The following HTT variants were observed in gnomAD, a reference collection of about 807,000 sequenced individuals.
HTT encodes the protein huntington disease protein.
HTT carries 104 observed loss-of-function variants against 362.3 expected under a neutral mutation model. The ratio of observed to expected loss-of-function variants is 0.29; its 90% CI spans 0.24 to 0.34. HTT has a LOEUF of 0.34. HTT is among the 10% of genes least tolerant of loss of function. HTT has a pLI of 1.00. For synonymous variants in HTT, 1,577 were observed against 1,548.7 expected, an observed-to-expected ratio of 1.02 and a Z score of -0.43; for missense variants, 3,301 against 3,928.6, an observed-to-expected ratio of 0.84 and a Z score of 4.27.
At chr4:3,171,944 TAG>T (rs1718000828) in intron 29 of HTT, among the ~76,000 whole-genome samples, 1 of 152,226 alleles carries the variant, frequency 6.6e-6, no homozygotes, top group African/African-American at 2.4e-5. Flanking sequence ...TGCTGTATCA[TAG>T]TTGTGTTCAC....
At chr4:3,153,037 G>A (rs1056788659) in intron 26 of HTT, among the ~76,000 whole-genome samples, 1 of 152,068 alleles carries the variant, frequency 6.6e-6, no homozygotes, top group African/African-American at 2.4e-5. Flanking sequence ...TATGGTTTAA[G>A]GTGACTGTCT....
At chr4:3,188,645 C>G (rs1216992410) in intron 39 of HTT, 3 of 218,980 alleles carry the variant, frequency 1.4e-5, no homozygotes, top group African/African-American at 7.0e-5. Context: ...ATTGAAGCAG[C>G]TGGCTAAAAT....
At chr4:3,135,248 C>T (rs1224437145) in intron 19 of HTT, among the ~76,000 whole-genome samples, 2 of 151,544 alleles carry the variant, frequency 1.3e-5, no homozygotes, top group South Asian at 2.1e-4. Context: ...AATTAAAAAA[C>T]GTGAGCTGTG....
chr4:3,141,996 T>G (rs546822608), intron 22 of HTT, among the ~76,000 whole-genome samples: 1 of 152,338 alleles, frequency 6.6e-6, no homozygotes, highest in South Asian at 2.1e-4. Flanking sequence ...TTTCAGAAGA[T>G]GAATATTTAT....
chr4:3,233,059 C>A (rs1397257152), intron 60 of HTT, 104 bp from the exon 61 acceptor site: 5 of 928,840 alleles, frequency 5.4e-6, no homozygotes, highest in Non-Finnish European at 8.2e-6. Flanking sequence ...GTAGTCTCTT[C>A]TGCACACAAG....
intron 6 of HTT, among the ~76,000 whole-genome samples, chr4:3,113,687 A>C (rs766384951): frequency 2.0e-5 from 3 of 152,110 alleles, no homozygotes; most frequent in Non-Finnish European, 4.4e-5. Context: ...TTTGTCAGAG[A>C]TGATTCTACT....
Position 3,240,102 on chromosome 4 carries a change from A to T in HTT, c.*43A>T. 1 of 1,494,004 alleles carries T rather than the reference A, an allele frequency of 6.7e-7. No individual in the cohort carries two copies. Among genetic ancestry groups the T allele is most frequent in the Non-Finnish European group, 9.1e-7 (1 of 1,096,038 alleles). The allele number at this position is 1,494,004 out of a possible 1,614,324, so 92.5% of individuals were successfully genotyped here. On this transcript the variant is annotated 3_prime_UTR_variant, in exon 67 of 67. Transcript: ENST00000355072. Reference sequence around the variant, plus strand: ...ACTGTGAGGCGGCAGCTGGGGCCGGAGCCTTTGGAAGTCTGCGCCCTTGTG... The same window carrying T: ...ACTGTGAGGCGGCAGCTGGGGCCGGTGCCTTTGGAAGTCTGCGCCCTTGTG...
At chr4:3,194,332 G>A (rs1024766859) in intron 40 of HTT, among the ~76,000 whole-genome samples, 3 of 152,220 alleles carry the variant, frequency 2.0e-5, no homozygotes, top group Non-Finnish European at 4.4e-5. Context: ...ATTCCATCTA[G>A]GATAAGCAGA....
At chr4:3,082,135 A>G (rs1560538885) in intron 1 of HTT, among the ~76,000 whole-genome samples, 1 of 152,134 alleles carries the variant, frequency 6.6e-6, no homozygotes, top group Non-Finnish European at 1.5e-5. Context: ...TTACTTAACA[A>G]TGTGTCATAG....
At chr4:3,125,654 G>T (rs1462752488) in intron 11 of HTT, 25 bp downstream of exon 11, 2 of 1,532,016 alleles carry the variant, frequency 1.3e-6, no homozygotes, top group Non-Finnish European at 9.0e-7. Context: ...TTAGCCGCTG[G>T]TGTGGACCTT....
Position 3,200,122 on chromosome 4 carries a change from C to T in HTT, c.5576+183C>T, listed in dbSNP as rs552754290. 2.1e-4 allele frequency among the ~76,000 whole-genome samples: 32 copies of T among 152,296 alleles called. 1 individual carries two copies. The highest frequency in any genetic ancestry group is 7.2e-4 in the African/African-American group (30 of 41,580). ...ACAGCATATTATTGGGACAAACATG[C>T]GGTCCAGCTAAAGGCATTCAAAATA... On this transcript the variant is annotated intron_variant, in intron 41 of 66. Transcript: ENST00000355072.
rs545608809 is a variant in HTT, at chr4:3,170,609, A to G, written c.3865-1711A>G. 3.3e-5 allele frequency among the ~76,000 whole-genome samples: 5 copies of G among 152,272 alleles called. No individual in the cohort carries two copies. In the East Asian group the frequency reaches 9.6e-4, roughly 29 times the overall value. The stretch of plus-strand genomic sequence containing the variant: ...TCTTCTCTGGTGCTCTGTCTTATGA[A>G]CTGTGGCTGTCTTGGTCTCCTTAGA... On this transcript the variant is annotated intron_variant, in intron 29 of 66. Coordinates refer to ENST00000355072, the MANE Select transcript of HTT (RefSeq NM_001388492.1).
chr4:3,210,768 C>G (rs75681403), intron 47 of HTT, among the ~76,000 whole-genome samples: 2,323 of 152,184 alleles, frequency 0.015, 36 homozygotes, highest in Non-Finnish European at 0.024. Context: ...CCTGTAGAGG[C>G]CGGGAGTGAC....
chr4:3,182,828 G>C (rs1037967132), intron 37 of HTT, among the ~76,000 whole-genome samples: 10 of 152,116 alleles, frequency 6.6e-5, no homozygotes, highest in Admixed American at 6.5e-4. Context: ...TTATTTGGTG[G>C]TTAGATTTTT....
In HTT at chr4:3,127,513, G is replaced by A. The variant is rs118005095; in HGVS notation, c.1652G>A (p.Gly551Glu). The A allele has an allele frequency of 1.3e-3, 2,045 of 1,614,218 alleles. 37 individuals carry two copies. In the East Asian group the frequency reaches 0.036, roughly 29 times the overall value. ...GACCCTGCCATGGACCTGAATGATG[G>A]GACCCAGGCCTCGTCGCCCATCAGC... The part of the protein sequence containing the change: ...PSDPAMDLND[G>E]TQASSPISDS... The change falls in exon 12 of 67, where the codon GGG (glycine) becomes GAG (glutamate). Residue 551 changes from glycine to glutamate, a missense_variant. By Grantham distance (98) the Gly-to-Glu change is moderately conservative. Transcript: ENST00000355072.
chr4:3,208,728 A>C (rs76264613), intron 45 of HTT, 45 bp from the exon 46 acceptor site: 2 of 1,540,292 alleles, frequency 1.3e-6, no homozygotes, highest in Non-Finnish European at 1.7e-6. Context: ...CTAAAAAAAA[A>C]AAAAAACAAA....
At chr4:3,167,359 C>G (rs550864060) in intron 29 of HTT, among the ~76,000 whole-genome samples, 21 of 152,336 alleles carry the variant, frequency 1.4e-4, no homozygotes, top group Non-Finnish European at 2.2e-4. Flanking sequence ...GTGTCAGCCA[C>G]CACGCCCAGC....
At position 3,134,466 on chromosome 4, in the gene HTT, G is replaced by A. The variant is rs1479856387; in HGVS notation, c.2559G>A (p.Val853=). The change falls in exon 19 of 67, where the codon GTG becomes GTA. Residue 853 remains valine (V), a synonymous_variant. Coordinates refer to ENST00000355072, the MANE Select transcript of HTT (RefSeq NM_001388492.1). The stretch of plus-strand genomic sequence containing the variant: ...TAGGACTGCAGCTGATCATCGATGT[G>A]CTGACTCTGAGGAACAGTTCCTATT... ...SELGLQLIID[V]LTLRNSSYWL... 2.1e-5 allele frequency: 34 copies of A among 1,613,830 alleles called. 1 individual carries two copies. The highest frequency in any genetic ancestry group is 2.9e-5 in the Non-Finnish European group (34 of 1,179,832).
chr4:3,075,653 G>GT (rs1395354017), intron 1 of HTT, among the ~76,000 whole-genome samples: 2 of 142,352 alleles, frequency 1.4e-5, no homozygotes, highest in African/African-American at 5.1e-5. Flanking sequence ...GGGGCAGGGG[G>GT]GGGGCGGGGA....
Sources: gnomAD v4.1 joint callset for allele counts (sites outside exome capture counted in the v4.1 genomes callset) on GRCh38, gnomAD v4.1.1 for gene constraint, MANE v1.5 for transcripts, NCBI Gene and HGNC (gene_info 2026-07-23, HGNC 2026-07-21) for gene names.